AGRN: variants seen among roughly 807,000 people sequenced by gnomAD.
The protein encoded by AGRN is agrin, also known as agrin proteoglycan.
In AGRN, 106 loss-of-function variants were observed where a neutral mutation model predicts 211.0. The ratio of observed to expected loss-of-function variants is 0.50; its 90% CI spans 0.43 to 0.59. AGRN has a LOEUF of 0.59. AGRN is among the 20% of genes least tolerant of loss of function. The pLI is 0.00. For synonymous variants in AGRN, 1,525 were observed against 1,332.5 expected (o/e 1.14, Z -3.15); for missense variants, 3,040 against 2,982.6 (o/e 1.02, Z -0.45).
chr1:1,039,766 G>C (rs1318194731), intron 3 of AGRN, among the ~76,000 whole-genome samples: 1 of 152,128 alleles, frequency 6.6e-6, no homozygotes, highest in Non-Finnish European at 1.5e-5. Flanking sequence ...CTTTGACAGA[G>C]AGTGAGGGCG....
At chr1:1,051,039 G>T (rs184022446) in intron 30 of AGRN, 94 of 1,548,910 alleles carry the variant, frequency 6.1e-5, no homozygotes, top group Non-Finnish European at 7.8e-5. Context: ...CAGAAATCCC[G>T]CAAGGTACTG....
intron 33 of AGRN, 195 bp downstream of exon 33, chr1:1,052,010 T>A: frequency 6.5e-7 from 1 of 1,536,114 alleles, no homozygotes; most frequent in South Asian, 1.2e-5. Context: ...GCCAATGAGA[T>A]CCCCGTGTGA....
At chr1:1,049,210 T>C in intron 24 of AGRN, 26 bp from the exon 25 acceptor site, 1 of 1,538,132 alleles carries the variant, frequency 6.5e-7, no homozygotes, top group Non-Finnish European at 8.7e-7. Context: ...CGGGCGATGG[T>C]CCTGAGCACC....
chr1:1,048,226 GC>G lies in AGRN; in HGVS notation c.3971del (p.Pro1324ArgfsTer103), dbSNP rs1163840641. On this transcript the variant is annotated frameshift_variant, in exon 23 of 36. Transcript: ENST00000379370. LOFTEE classifies it high-confidence loss of function. The surrounding 1 kb of genome is among the most constrained non-coding windows in gnomAD (Gnocchi z 5.9). ...TAPSRVPGRR[P>X]PAPQQPPKPC... ...CCCCCAGCCGTGTGCCCGGACGTCG[GC>G]CCCCGGCCCCCCAGCAGCCTCCAAA... The G allele has an allele frequency of 3.9e-6, 6 of 1,545,340 alleles. No individual in the cohort carries two copies. Among genetic ancestry groups the G allele is most frequent in the South Asian group, 1.2e-5 (1 of 83,582 alleles).
Position 1,048,947 on chromosome 1 carries a change from C to T in AGRN, c.4186C>T (p.Leu1396=). The part of the protein sequence containing the change: ...PTLRAYHTLR[L]ALEFRALEPQ... ...TCTCCGCGCCTACCACACGCTGCGC[C>T]TGGCACTGGAATTCCGGGCGCTGGA... Residue 1396 remains leucine (L), a synonymous_variant, in exon 24 of 36, where the codon CTG becomes TTG. Coordinates refer to ENST00000379370, the MANE Select transcript of AGRN (RefSeq NM_198576.4). This position sits in a 1 kb window ranked among gnomAD's most constrained non-coding sequence, Gnocchi z 5.9. 6.4e-7 allele frequency: 1 copy of T among 1,568,580 alleles called. No homozygotes were observed. Among genetic ancestry groups the T allele is most frequent in the South Asian group, 1.2e-5 (1 of 85,324 alleles).
chr1:1,035,166 CGGT>C lies in AGRN; in HGVS notation c.464-108_464-106del. On this transcript the variant is annotated intron_variant, in intron 2 of 35. Coordinates refer to ENST00000379370, the MANE Select transcript of AGRN (RefSeq NM_198576.4). ...CAGCAGCCTGGATCCCTGGGGCTAG[CGGT>C]GGGGGGGGGGGGGTGGGCAGGGGTG... 5.9e-5 allele frequency: 60 copies of C among 1,012,380 alleles called. 1 individual carries two copies. Among genetic ancestry groups the C allele is most frequent in the Middle Eastern group, 6.2e-4 (2 of 3,244 alleles). The allele number at this position is 1,012,380 out of a possible 1,614,324, so 62.7% of individuals were successfully genotyped here. A position where few individuals can be genotyped will look rare whatever the true frequency, so the allele number is the denominator to read the frequency against.
chr1:1,020,850 G>GGGGC (rs1644384297), intron 1 of AGRN, among the ~76,000 whole-genome samples: 1 of 150,348 alleles, frequency 6.7e-6, no homozygotes, highest in Admixed American at 6.6e-5. Context: ...AGTGGTGCGG[G>GGGGC]GGGGGGGCGT....
chr1:1,024,461 C>CT (rs1644475845), intron 2 of AGRN, among the ~76,000 whole-genome samples: 1 of 152,082 alleles, frequency 6.6e-6, no homozygotes, highest in East Asian at 1.9e-4. Flanking sequence ...CCATCTGACT[C>CT]CGACCCCACC....
Position 1,051,877 on chromosome 1 carries a change from C to T in AGRN, c.5651+62C>T, listed in dbSNP as rs547685580. The T allele has an allele frequency of 1.0e-5, 16 of 1,598,478 alleles. No individual in the cohort carries two copies. The African/African-American group carries it at 1.3e-4, about 13-fold the overall frequency. On this transcript the variant is annotated intron_variant, in intron 33 of 35. Coordinates refer to ENST00000379370, the MANE Select transcript of AGRN (RefSeq NM_198576.4). The stretch of plus-strand genomic sequence containing the variant: ...TGTGCCCTCGGGGCGGGACACCGGA[C>T]CCCCACACCAGGAGGGCCCAGGAGG...
chr1:1,050,623 G>A, intron 29 of AGRN, 32 bp downstream of exon 29: 4 of 1,605,262 alleles, frequency 2.5e-6, no homozygotes, highest in Non-Finnish European at 3.4e-6. Context: ...TGGGAGGCCT[G>A]GGGCACTGGC....
Position 1,020,263 on chromosome 1 carries a change from T to C in AGRN, c.91T>C (p.Cys31Arg). 6.8e-7 allele frequency: 1 copy of C among 1,466,744 alleles called. No homozygotes were observed. 90.9% of individuals were successfully genotyped at this position (1,466,744 alleles called of 1,614,324 possible). A position where few individuals can be genotyped will look rare whatever the true frequency, so the allele number is the denominator to read the frequency against. Residue 31 changes from cysteine (C) to arginine (R), a missense_variant, in exon 1 of 36, where the codon TGC (cysteine) becomes CGC (arginine). Cys to Arg is a radical substitution (Grantham distance 180). Coordinates refer to ENST00000379370, the MANE Select transcript of AGRN (RefSeq NM_198576.4). ...CGTCCTGCCCGGAGCCGGCGGGACA[T>C]GCCCGGAGCGCGCGCTGGAGCGGCG... ...ACVLPGAGGTCPERALERREE... is the reference protein window; with the variant it reads ...ACVLPGAGGTRPERALERREE...
At chr1:1,028,022 TG>T (rs1211819850) in intron 2 of AGRN, among the ~76,000 whole-genome samples, 1 of 152,130 alleles carries the variant, frequency 6.6e-6, no homozygotes, top group Non-Finnish European at 1.5e-5. Context: ...CAGGGGAGGC[TG>T]GGGTGTGAGC....
chr1:1,049,050 T>C lies in AGRN; in HGVS notation c.4289T>C (p.Val1430Ala). Residue 1430 changes from valine to alanine, a missense_variant, in exon 24 of 36, where the codon GTG becomes GCG. By Grantham distance (64) the Val-to-Ala change is moderately conservative (BLOSUM62 0). Around this residue, in one of 3 missense-constraint regions of AGRN, gnomAD observed 1,537 missense variants for 1,505.0 expected, o/e 1.02. Coordinates refer to ENST00000379370, the MANE Select transcript of AGRN (RefSeq NM_198576.4). Reference protein sequence around the residue: ...FLALALLDGRVQLRFDTGSGP... With the variant: ...FLALALLDGRAQLRFDTGSGP... The stretch of plus-strand genomic sequence containing the variant: ...GCATTGGCGCTGCTAGATGGCCGCG[T>C]GCAGCTCAGGTGGGCGGGGAGGGGA... 6.5e-7 allele frequency: 1 copy of C among 1,543,308 alleles called. No homozygotes were observed. Among genetic ancestry groups the C allele is most frequent in the Non-Finnish European group, 8.7e-7 (1 of 1,150,558 alleles).
intron 19 of AGRN, 44 bp from the exon 20 acceptor site, chr1:1,047,283 G>A: frequency 1.3e-6 from 2 of 1,559,874 alleles, no homozygotes; most frequent in South Asian, 1.2e-5. Flanking sequence ...CAGCCTGGAT[G>A]CCAGGCAGAT....
At chr1:1,051,957 C>T (rs1570251676) in intron 33 of AGRN, 142 bp downstream of exon 33, 1 of 1,548,200 alleles carries the variant, frequency 6.5e-7, no homozygotes, top group Non-Finnish European at 8.7e-7. Context: ...CCTCCCGGTC[C>T]TCCCGCCTCT....
rs146883205 is a variant in AGRN, at chr1:1,044,530, G to A, written c.2254+91G>A. 371 of 1,320,218 alleles carry A rather than the reference G, an allele frequency of 2.8e-4. 2 individuals carry two copies. The African/African-American group carries it at 4.9e-3, about 17-fold the overall frequency. 81.8% of individuals were successfully genotyped at this position (1,320,218 alleles called of 1,614,324 possible). On this transcript the variant is annotated intron_variant, in intron 12 of 35. Coordinates refer to ENST00000379370, the MANE Select transcript of AGRN (RefSeq NM_198576.4). ...GTGGGCGTGCCCGTGTGCTGCGTTG[G>A]GCCCCTGTGGACGTGTGTATTGTGT...
intron 3 of AGRN, among the ~76,000 whole-genome samples, chr1:1,039,411 T>TG (rs36095704): frequency 0.012 from 1,792 of 148,372 alleles, 44 homozygotes; most frequent in African/African-American, 0.039. Flanking sequence ...TCCTTGGAGA[T>TG]GGGGGGGGTT....
intron 8 of AGRN, 32 bp from the exon 9 acceptor site, chr1:1,043,506 C>T (rs1166401913): frequency 6.2e-7 from 1 of 1,602,092 alleles, no homozygotes; most frequent in Non-Finnish European, 8.5e-7. Flanking sequence ...AGAGAGGTTC[C>T]TGGTCGCCTG....
intron 26 of AGRN, 30 bp from the exon 27 acceptor site, chr1:1,049,873 T>C (rs750785146): frequency 1.2e-6 from 2 of 1,610,692 alleles, no homozygotes; most frequent in South Asian, 2.2e-5. Flanking sequence ...TCCTGGGACC[T>C]CGGTCCCGGT....
Sources: gnomAD v4.1 joint callset for allele counts (sites outside exome capture counted in the v4.1 genomes callset) on GRCh38, gnomAD v4.1.1 for gene constraint, gnomAD v4.1.1 regional missense constraint, Gnocchi (gnomAD v3.1) non-coding constraint, MANE v1.5 for transcripts, NCBI Gene and HGNC (gene_info 2026-07-23, HGNC 2026-07-21) for gene names.